The following GRIP1 variants were observed in gnomAD, a reference collection of about 807,000 sequenced individuals.
The protein encoded by GRIP1 is glutamate receptor interacting protein 1, also known as glutamate receptor-interacting protein 1.
Under a neutral mutation model 129.9 loss-of-function variants are expected in GRIP1, and 45 were observed. The ratio of observed to expected loss-of-function variants is 0.35; its 90% CI spans 0.27 to 0.44. GRIP1 has a LOEUF of 0.44. Ranked by LOEUF, GRIP1 falls within the 20% of genes least tolerant of loss-of-function variation. GRIP1 has a pLI of 1.00. For synonymous variants in GRIP1, 530 were observed against 520.8 expected (o/e 1.02, Z -0.24); for missense variants, 1,196 against 1,396.8 (o/e 0.86, Z 2.29).
chr12:66,798,955 A>G (rs2038780049), intron 1 of GRIP1, among the ~76,000 whole-genome samples: 1 of 152,198 alleles, frequency 6.6e-6, no homozygotes, highest in South Asian at 2.1e-4. Context: ...TGGACCTTAA[A>G]TATCATCAGA....
chr12:66,620,766 C>T (rs12578666), intron 1 of GRIP1, among the ~76,000 whole-genome samples: 28,719 of 151,720 alleles, frequency 0.19, 2,872 homozygotes, highest in Non-Finnish European at 0.23. Flanking sequence ...TCTTCCCACC[C>T]CTCACCCCCC....
At chr12:66,906,725 G>T (rs1257263807) in intron 1 of GRIP1, among the ~76,000 whole-genome samples, 1 of 152,140 alleles carries the variant, frequency 6.6e-6, no homozygotes, top group Non-Finnish European at 1.5e-5. Context: ...AATTACTTTG[G>T]TGTTTATTGG....
chr12:66,884,242 AG>A (rs2137203653), intron 1 of GRIP1, among the ~76,000 whole-genome samples: 1 of 152,366 alleles, frequency 6.6e-6, no homozygotes, highest in African/African-American at 2.4e-5. Context: ...TGCTAGCAAC[AG>A]GGAACTGAGA....
At chr12:66,652,788 C>T (rs149226389) in intron 1 of GRIP1, among the ~76,000 whole-genome samples, 1 of 152,126 alleles carries the variant, frequency 6.6e-6, no homozygotes. Context: ...TCTGGTCTGG[C>T]CTTTTAGAAT....
intron 2 of GRIP1, among the ~76,000 whole-genome samples, chr12:66,585,247 C>T (rs1270022066): frequency 4.7e-4 from 49 of 103,754 alleles, no homozygotes; most frequent in African/African-American, 1.8e-3. Context: ...TGCTATCCCT[C>T]CCCCCTCCCC....
At chr12:66,483,225 A>G (rs1310742643) in intron 7 of GRIP1, among the ~76,000 whole-genome samples, 2 of 152,186 alleles carry the variant, frequency 1.3e-5, no homozygotes, top group Non-Finnish European at 2.9e-5. Context: ...AGTTAACAGT[A>G]TTTTTATTAA....
intron 1 of GRIP1, among the ~76,000 whole-genome samples, chr12:66,980,539 A>G (rs1291347494): frequency 6.6e-6 from 1 of 152,206 alleles, no homozygotes; most frequent in Non-Finnish European, 1.5e-5. Flanking sequence ...TGAACTCAGG[A>G]GGCAGAGGTT....
chr12:66,741,362 A>G (rs2036781561), intron 1 of GRIP1, among the ~76,000 whole-genome samples: 1 of 152,188 alleles, frequency 6.6e-6, no homozygotes, highest in African/African-American at 2.4e-5. Flanking sequence ...TTAAAAATAA[A>G]CTTTCCAAAA....
intron 1 of GRIP1, among the ~76,000 whole-genome samples, chr12:66,971,437 A>G (rs2042074982): frequency 6.6e-6 from 1 of 152,200 alleles, no homozygotes; most frequent in East Asian, 1.9e-4. Context: ...AATTCATGGC[A>G]AACTTAAGGA....
At chr12:66,389,941 A>G (rs1375625469) in intron 19 of GRIP1, among the ~76,000 whole-genome samples, 1 of 152,236 alleles carries the variant, frequency 6.6e-6, no homozygotes, top group East Asian at 1.9e-4. Context: ...GAAAGCCTCA[A>G]CAGAGACCCA....
At chr12:66,932,353 AT>A (rs2041411257) in intron 1 of GRIP1, among the ~76,000 whole-genome samples, 1 of 152,232 alleles carries the variant, frequency 6.6e-6, no homozygotes, top group African/African-American at 2.4e-5. Flanking sequence ...TCCATTAGTC[AT>A]TTGAGAAAGT....
At chr12:66,377,341 T>C (rs148141593) in intron 20 of GRIP1, 56 bp from the exon 21 acceptor site, 545,861 of 1,206,492 alleles carry the variant, frequency 0.45, 127,311 homozygotes, top group East Asian at 0.54. Flanking sequence ...TTTTTTTTTT[T>C]TTTTGAGACG....
At chr12:66,525,721 G>A (rs1355699000) in intron 5 of GRIP1, among the ~76,000 whole-genome samples, 1 of 152,062 alleles carries the variant, frequency 6.6e-6, no homozygotes, top group Non-Finnish European at 1.5e-5. Context: ...TATTCAATTA[G>A]GAAAAGAGGA....
At chr12:66,690,371 TACACACACACACAC>T (rs112206335) in intron 1 of GRIP1, among the ~76,000 whole-genome samples, 1 of 147,794 alleles carries the variant, frequency 6.8e-6, no homozygotes, top group African/African-American at 2.5e-5. Flanking sequence ...TCAATAATAT[TACACACACACACAC>T]ACACACACAC....
At chr12:66,963,319 AT>A (rs2041950297) in intron 1 of GRIP1, among the ~76,000 whole-genome samples, 1 of 152,234 alleles carries the variant, frequency 6.6e-6, no homozygotes. Context: ...TCTCAAAAAA[AT>A]AAATAAATAA....
At chr12:66,449,834 T>C (rs1008146120) in intron 11 of GRIP1, among the ~76,000 whole-genome samples, 1 of 152,202 alleles carries the variant, frequency 6.6e-6, no homozygotes, top group Non-Finnish European at 1.5e-5. Context: ...ATCTTCTAGG[T>C]GAAGCTTTTT....
chr12:66,607,459 C>A (rs1012246166), intron 1 of GRIP1, among the ~76,000 whole-genome samples: 1 of 152,200 alleles, frequency 6.6e-6, no homozygotes, highest in African/African-American at 2.4e-5. Context: ...GGGACACTCT[C>A]TTTTCTCCTT....
At chr12:66,922,915 C>T (rs2041236501) in intron 1 of GRIP1, among the ~76,000 whole-genome samples, 1 of 152,130 alleles carries the variant, frequency 6.6e-6, no homozygotes, top group African/African-American at 2.4e-5. Flanking sequence ...GTGCTGAATG[C>T]ACTATACATT....
chr12:66,995,538 C>T (rs2042454846), intron 1 of GRIP1, among the ~76,000 whole-genome samples: 1 of 151,968 alleles, frequency 6.6e-6, no homozygotes, highest in Non-Finnish European at 1.5e-5. Flanking sequence ...ATAATCTCAA[C>T]AGACATTTCT....
Sources: gnomAD v4.1 joint callset for allele counts (sites outside exome capture counted in the v4.1 genomes callset) on GRCh38, gnomAD v4.1.1 for gene constraint, MANE v1.5 for transcripts, NCBI Gene and HGNC (gene_info 2026-07-23, HGNC 2026-07-21) for gene names.